ATP2B2: variants seen among roughly 807,000 people sequenced by gnomAD.
ATP2B2 encodes plasma membrane calcium-transporting ATPase 2.
In ATP2B2, 15 loss-of-function variants were observed where a neutral mutation model predicts 120.0. The ratio of observed to expected loss-of-function variants is 0.12; its 90% CI spans 0.08 to 0.19. ATP2B2 has a LOEUF of 0.19. ATP2B2 is among the 10% of genes least tolerant of loss of function. The pLI, the probability that ATP2B2 is intolerant of heterozygous loss-of-function variation, is 1.00. For synonymous variants in ATP2B2, 694 were observed against 700.3 expected (o/e 0.99, Z 0.14); for missense variants, 1,045 against 1,719.8 (o/e 0.61, Z 6.94).
intron 2 of ATP2B2, among the ~76,000 whole-genome samples, chr3:10,589,835 A>G (rs766405459): frequency 1.3e-5 from 2 of 152,218 alleles, no homozygotes; most frequent in Non-Finnish European, 2.9e-5. Flanking sequence ...TGCTGGTGGG[A>G]AAGTAAAATC....
intron 2 of ATP2B2, among the ~76,000 whole-genome samples, chr3:10,416,387 T>C (rs567328099): frequency 5.9e-5 from 9 of 152,304 alleles, no homozygotes; most frequent in Non-Finnish European, 1.0e-4. Context: ...TTCCTCTCTC[T>C]TTTTAGCCAA....
At chr3:10,558,550 T>C (rs959787776) in intron 2 of ATP2B2, among the ~76,000 whole-genome samples, 1 of 151,988 alleles carries the variant, frequency 6.6e-6, no homozygotes, top group African/African-American at 2.4e-5. Context: ...GAGGAAGGGG[T>C]GAATACATTC....
chr3:10,645,730 C>T (rs554199613), intron 1 of ATP2B2, among the ~76,000 whole-genome samples: 6 of 152,306 alleles, frequency 3.9e-5, no homozygotes, highest in South Asian at 4.1e-4. Flanking sequence ...CTGGAAAATT[C>T]GTAAGCATGT....
At chr3:10,689,400 A>G (rs1469426380) in intron 1 of ATP2B2, among the ~76,000 whole-genome samples, 2 of 152,206 alleles carry the variant, frequency 1.3e-5, no homozygotes, top group African/African-American at 2.4e-5. Flanking sequence ...AAAATTAAAT[A>G]AAATAACACC....
chr3:10,444,020 G>A (rs2063754025), intron 2 of ATP2B2, among the ~76,000 whole-genome samples: 1 of 152,190 alleles, frequency 6.6e-6, no homozygotes, highest in Non-Finnish European at 1.5e-5. Flanking sequence ...ATTTATTTGA[G>A]AAGGCAGCTG....
intron 12 of ATP2B2, among the ~76,000 whole-genome samples, chr3:10,370,657 C>A (rs548274355): frequency 6.6e-6 from 1 of 152,328 alleles, no homozygotes; most frequent in Non-Finnish European, 1.5e-5. Flanking sequence ...TGCTGACTCA[C>A]GCTCTCTTCC....
chr3:10,597,723 C>T (rs561632877), intron 2 of ATP2B2, among the ~76,000 whole-genome samples: 1 of 152,234 alleles, frequency 6.6e-6, no homozygotes, highest in Non-Finnish European at 1.5e-5. Context: ...CTCTGTGCCT[C>T]AGTTTCCACA....
At chr3:10,631,702 C>A (rs548443463) in intron 1 of ATP2B2, among the ~76,000 whole-genome samples, 2 of 152,212 alleles carry the variant, frequency 1.3e-5, no homozygotes, top group African/African-American at 4.8e-5. Context: ...GGGTTCCATA[C>A]AATGGGCTCC....
chr3:10,562,491 G>A (rs2067924979), intron 2 of ATP2B2, among the ~76,000 whole-genome samples: 2 of 152,170 alleles, frequency 1.3e-5, no homozygotes, highest in East Asian at 3.9e-4. Context: ...GGGTCTTGGG[G>A]AAGGAGGGAA....
chr3:10,355,317 C>T (rs1402823657), intron 14 of ATP2B2, among the ~76,000 whole-genome samples: 1 of 152,136 alleles, frequency 6.6e-6, no homozygotes, highest in Non-Finnish European at 1.5e-5. Flanking sequence ...GAACCCATGT[C>T]CCTTGAGTCT....
intron 3 of ATP2B2, among the ~76,000 whole-genome samples, chr3:10,517,623 C>G (rs143898941): frequency 1.3e-5 from 2 of 152,176 alleles, no homozygotes; most frequent in Non-Finnish European, 2.9e-5. Flanking sequence ...TACCAGGCAC[C>G]GGGCTAAGAA....
At chr3:10,378,763 C>G (rs552991082) in intron 9 of ATP2B2, among the ~76,000 whole-genome samples, 1 of 152,194 alleles carries the variant, frequency 6.6e-6, no homozygotes, top group Admixed American at 6.5e-5. Flanking sequence ...GGCTTGGGCT[C>G]TACCCAGCTG....
chr3:10,696,521 C>A (rs141386125), intron 1 of ATP2B2, among the ~76,000 whole-genome samples: 4 of 152,172 alleles, frequency 2.6e-5, no homozygotes, highest in Non-Finnish European at 4.4e-5. Flanking sequence ...AATGGCCTGG[C>A]GCAGGGTTTC....
intron 2 of ATP2B2, among the ~76,000 whole-genome samples, chr3:10,598,618 T>C (rs1289999123): frequency 6.6e-6 from 1 of 152,224 alleles, no homozygotes; most frequent in Non-Finnish European, 1.5e-5. Flanking sequence ...AGACGGCTTC[T>C]TACCTTTGAG....
intron 3 of ATP2B2, among the ~76,000 whole-genome samples, chr3:10,518,822 G>A (rs1261473450): frequency 3.9e-5 from 6 of 152,198 alleles, no homozygotes; most frequent in East Asian, 3.8e-4. Flanking sequence ...CCCCTCTGTC[G>A]GGGACAGGTG....
intron 1 of ATP2B2, among the ~76,000 whole-genome samples, chr3:10,682,734 A>G (rs1328364206): frequency 6.6e-6 from 1 of 152,192 alleles, no homozygotes; most frequent in Non-Finnish European, 1.5e-5. Context: ...CAAATCCTCC[A>G]TATCTAGTCT....
At chr3:10,572,180 G>A (rs982990424) in intron 2 of ATP2B2, among the ~76,000 whole-genome samples, 2 of 152,206 alleles carry the variant, frequency 1.3e-5, no homozygotes, top group African/African-American at 4.8e-5. Context: ...TGGATCAGCT[G>A]CCCGCTGGCC....
At chr3:10,554,640 T>C (rs1272891512) in intron 2 of ATP2B2, among the ~76,000 whole-genome samples, 1 of 152,256 alleles carries the variant, frequency 6.6e-6, no homozygotes, top group Non-Finnish European at 1.5e-5. Context: ...GTCAGACTTC[T>C]GACTACAGAA....
chr3:10,609,199 GGTGT>G (rs2069163800), intron 2 of ATP2B2, among the ~76,000 whole-genome samples: 1 of 151,852 alleles, frequency 6.6e-6, no homozygotes, highest in African/African-American at 2.4e-5. Flanking sequence ...TACCCTCCTG[GGTGT>G]GTACCAGGCA....
Sources: allele counts gnomAD v4.1 joint callset (sites outside exome capture counted in the v4.1 genomes callset), GRCh38; gene constraint gnomAD v4.1.1; transcripts MANE v1.5; gene names NCBI Gene and HGNC (gene_info 2026-07-23, HGNC 2026-07-21).